FRMD6: variants seen among roughly 807,000 people sequenced by gnomAD.
FRMD6 encodes the protein FERM domain containing 6.
A neutral mutation model predicts 73.2 loss-of-function variants in FRMD6; 37 were observed. That is an observed-to-expected ratio of 0.51 (90% CI 0.39 to 0.66). The LOEUF (loss-of-function observed/expected upper bound fraction) is 0.66, where lower values mean the gene tolerates loss of function less well. FRMD6 is among the 30% of genes least tolerant of loss of function. The probability of loss-of-function intolerance (pLI) is 0.00; values close to 1 mark genes in which losing one functional copy is unlikely to be tolerated. For missense variants in FRMD6, 714 were observed against 780.5 expected (o/e 0.91, Z 1.02); for synonymous variants, 273 against 282.2 (o/e 0.97, Z 0.33).
At chr14:51,721,166 G>A (rs1469822112) in intron 11 of FRMD6, among the ~76,000 whole-genome samples, 1 of 152,224 alleles carries the variant, frequency 6.6e-6, no homozygotes, top group East Asian at 1.9e-4. Flanking sequence ...GTGTCAGTGA[G>A]CCTTGCTTTG....
chr14:51,529,239 T>TA (rs1885441313), intron 1 of FRMD6, among the ~76,000 whole-genome samples: 1 of 152,260 alleles, frequency 6.6e-6, no homozygotes, highest in Non-Finnish European at 1.5e-5. Flanking sequence ...TTGTACTTCT[T>TA]ACTAACTTTT....
chr14:51,692,899 A>C (rs1047546041), intron 2 of FRMD6: 1 of 152,166 alleles, frequency 6.6e-6, no homozygotes, highest in Non-Finnish European at 1.5e-5. Flanking sequence ...AATAGATGCT[A>C]TAGATACTCT....
intron 2 of FRMD6, among the ~76,000 whole-genome samples, chr14:51,591,609 C>T (rs770076458): frequency 2.0e-5 from 3 of 152,200 alleles, no homozygotes; most frequent in Non-Finnish European, 4.4e-5. Flanking sequence ...GTGGCGCAAT[C>T]TCAGCTCACT....
chr14:51,564,870 T>C (rs1289567716), intron 1 of FRMD6, among the ~76,000 whole-genome samples: 1 of 152,234 alleles, frequency 6.6e-6, no homozygotes, highest in East Asian at 1.9e-4. Flanking sequence ...GAAATGTGTG[T>C]GCATTTTCTA....
At chr14:51,594,836 C>G (rs1024899903) in intron 2 of FRMD6, among the ~76,000 whole-genome samples, 3 of 152,226 alleles carry the variant, frequency 2.0e-5, no homozygotes, top group African/African-American at 7.2e-5. Context: ...GGAAATAAAG[C>G]AGGAAGAGTC....
At chr14:51,475,207 C>T in the FRMD6 span, among the ~76,000 whole-genome samples, 1 of 152,206 alleles carries the variant, frequency 6.6e-6, no homozygotes, top group Non-Finnish European at 1.5e-5. Context: ...ATTATTTCCT[C>T]ATCCAGGAGA....
intron 1 of FRMD6, among the ~76,000 whole-genome samples, chr14:51,566,295 C>T (rs1887772056): frequency 6.6e-6 from 1 of 152,212 alleles, no homozygotes; most frequent in South Asian, 2.1e-4. Context: ...TGACCAGCCA[C>T]TTGGATGTGA....
intron 1 of FRMD6, among the ~76,000 whole-genome samples, chr14:51,521,242 T>C (rs1178831029): frequency 6.6e-6 from 1 of 152,198 alleles, no homozygotes; most frequent in East Asian, 1.9e-4. Flanking sequence ...TTTTATTCAA[T>C]GTAAGTTGTA....
chr14:51,689,551 G>A, intron 1 of FRMD6, 140 bp from the exon 2 acceptor site: 1 of 378,220 alleles, frequency 2.6e-6, no homozygotes, highest in South Asian at 4.7e-5. Context: ...GAGTTCCCAT[G>A]TATTAAATAA....
At chr14:51,481,210 A>G in the FRMD6 span, among the ~76,000 whole-genome samples, 4 of 152,224 alleles carry the variant, frequency 2.6e-5, no homozygotes, top group Non-Finnish European at 4.4e-5. Flanking sequence ...GTCCGTTTTC[A>G]TGCCGCTGAT....
intron 2 of FRMD6, among the ~76,000 whole-genome samples, chr14:51,697,518 G>T (rs1896029032): frequency 6.6e-6 from 1 of 152,016 alleles, no homozygotes; most frequent in South Asian, 2.1e-4. Context: ...GGAGATATTA[G>T]TAAAAAAATA....
At chr14:51,614,496 A>G (rs1043134512) in intron 2 of FRMD6, among the ~76,000 whole-genome samples, 2 of 152,188 alleles carry the variant, frequency 1.3e-5, no homozygotes, top group African/African-American at 4.8e-5. Flanking sequence ...AGAAACAAAG[A>G]GTTATATGCA....
chr14:51,514,335 A>G (rs1983732), intron 1 of FRMD6, among the ~76,000 whole-genome samples: 86,168 of 149,518 alleles, frequency 0.58, 25,900 homozygotes, highest in African/African-American at 0.73. Flanking sequence ...ATCACACACT[A>G]GGGCCTGTTG....
chr14:51,614,304 A>G (rs1890627831), intron 2 of FRMD6, among the ~76,000 whole-genome samples: 1 of 152,184 alleles, frequency 6.6e-6, no homozygotes, highest in African/African-American at 2.4e-5. Context: ...GTCACATGGA[A>G]TACAGGGTAA....
chr14:51,404,000 T>G, the FRMD6 span, among the ~76,000 whole-genome samples: 1 of 152,234 alleles, frequency 6.6e-6, no homozygotes, highest in Non-Finnish European at 1.5e-5. Context: ...TTTTCCAAAG[T>G]GGCTGCACCC....
chr14:51,400,490 A>G, the FRMD6 span, among the ~76,000 whole-genome samples: 2 of 152,170 alleles, frequency 1.3e-5, no homozygotes, highest in African/African-American at 4.8e-5. Context: ...CTTGTCCATT[A>G]TCACCTAATT....
the FRMD6 span, among the ~76,000 whole-genome samples, chr14:51,401,741 A>G: frequency 3.9e-4 from 59 of 152,332 alleles, no homozygotes; most frequent in African/African-American, 1.3e-3. Flanking sequence ...TGAAATCACT[A>G]TACTGTGATG....
At position 51,729,590 on chromosome 14, in the gene FRMD6, A is replaced by G. The variant is rs1341075626; in HGVS notation, c.*1561A>G. Reference sequence around the variant, plus strand: ...CATTTTTTTCTATCTGCCCAGTTTTATTAAAAAAACTATATATTATTTTCT... The same window carrying G: ...CATTTTTTTCTATCTGCCCAGTTTTGTTAAAAAAACTATATATTATTTTCT... On this transcript the variant is annotated 3_prime_UTR_variant, in exon 14 of 14. Coordinates refer to ENST00000344768, the MANE Select transcript of FRMD6 (RefSeq NM_001267046.2). 1 of 152,624 alleles carries G rather than the reference A, an allele frequency of 6.6e-6. No homozygotes were observed. The highest frequency in any genetic ancestry group is 1.5e-5 in the Non-Finnish European group (1 of 68,036). The allele number at this position is 152,624 out of a possible 1,614,324, so 9.5% of individuals were successfully genotyped here.
chr14:51,515,101 A>G (rs1360216968), intron 1 of FRMD6, among the ~76,000 whole-genome samples: 1 of 152,100 alleles, frequency 6.6e-6, no homozygotes, highest in Non-Finnish European at 1.5e-5. Flanking sequence ...TACAGGATGG[A>G]AGTAGAACCA....
Sources: gnomAD v4.1 joint callset for allele counts (sites outside exome capture counted in the v4.1 genomes callset) on GRCh38, gnomAD v4.1.1 for gene constraint, MANE v1.5 for transcripts, NCBI Gene and HGNC (gene_info 2026-07-23, HGNC 2026-07-21) for gene names.